The following NOS3 variants were observed in gnomAD, a reference collection of about 807,000 sequenced individuals.
NOS3 encodes nitric oxide synthase 3.
In NOS3, 98 loss-of-function variants were observed where a neutral mutation model predicts 144.9. The ratio of observed to expected loss-of-function variants is 0.68; its 90% confidence interval spans 0.57 to 0.80. The LOEUF (loss-of-function observed/expected upper bound fraction) is 0.80, where lower values mean the gene tolerates loss of function less well. Ranked by LOEUF, NOS3 falls within the 30% of genes least tolerant of loss-of-function variation. NOS3 has a pLI of 0.00. For missense variants in NOS3, 1,465 were observed against 1,656.4 expected, an observed-to-expected ratio of 0.88 and a Z score of 2.01; for synonymous variants, 714 against 702.4, an observed-to-expected ratio of 1.02 and a Z score of -0.26.
At chr7:151,011,635 C>T (rs753913168) in intron 23 of NOS3, among the ~76,000 whole-genome samples, 1 of 151,384 alleles carries the variant, frequency 6.6e-6, no homozygotes, top group Non-Finnish European at 1.5e-5. Flanking sequence ...AAAATATTCT[C>T]CTGTCTCAGC....
chr7:151,002,383 A>AACACACACAC lies in NOS3; in HGVS notation c.1752+140_1752+149dup, dbSNP rs3138808. 1.5e-3 allele frequency: 395 copies of AACACACACAC among 271,080 alleles called. 19 individuals carry two copies. The highest frequency in any genetic ancestry group is 2.7e-3 in the African/African-American group (66 of 24,520). 16.8% of individuals were successfully genotyped at this position (271,080 alleles called of 1,614,324 possible). A position where few individuals can be genotyped will look rare whatever the true frequency, so the allele number is the denominator to read the frequency against. On this transcript the variant is annotated intron_variant, in intron 14 of 26. Coordinates refer to ENST00000297494, the MANE Select transcript of NOS3 (RefSeq NM_000603.5). This position sits in a 1 kb window ranked among gnomAD's most constrained non-coding sequence, Gnocchi z 4.1. ...AGTGACTGGGCAGGAACCTCTGCCC[A>AACACACACAC]ACACACACACACACACACACACACA...
Position 151,010,700 on chromosome 7 carries a change from C to A in NOS3, c.2789C>A (p.Thr930Asn), listed in dbSNP as rs747661055. The change falls in exon 22 of 27, where the codon ACC becomes AAC. Residue 930 changes from threonine to asparagine, a missense_variant. Around this residue, in one of 5 missense-constraint regions of NOS3, gnomAD observed 106 missense variants for 167.7 expected, o/e 0.63. Coordinates refer to ENST00000297494, the MANE Select transcript of NOS3 (RefSeq NM_000603.5). ...SVALPAPLLL[T>N]QLPLLQPRYY... ...GCGCTGCCTGCCCCACTGCTCCTCACCCAGCTGCCTCTGCTCCAGCCCCGG... is the reference window on the plus strand; with the variant it reads ...GCGCTGCCTGCCCCACTGCTCCTCAACCAGCTGCCTCTGCTCCAGCCCCGG... 6.2e-7 allele frequency: 1 copy of A among 1,611,816 alleles called. No individual in the cohort carries two copies. Among genetic ancestry groups the A allele is most frequent in the South Asian group, 1.1e-5 (1 of 90,580 alleles).
At position 151,003,179 on chromosome 7, in the gene NOS3, G is replaced by A. The variant is rs750704995; in HGVS notation, c.1752+875G>A. 2.6e-5 allele frequency: 12 copies of A among 453,406 alleles called. No individual in the cohort carries two copies. Among genetic ancestry groups the A allele is most frequent in the Non-Finnish European group, 4.4e-6 (1 of 226,662 alleles). 28.1% of individuals were successfully genotyped at this position (453,406 alleles called of 1,614,324 possible). A position where few individuals can be genotyped will look rare whatever the true frequency, so the allele number is the denominator to read the frequency against. ...CTCACTTTGTGGCCCAGGCTGGAGT[G>A]CAGTAGTACAATCACGGCTCACTGC... On this transcript the variant is annotated intron_variant, in intron 14 of 26. Coordinates refer to ENST00000297494, the MANE Select transcript of NOS3 (RefSeq NM_000603.5). The surrounding 1 kb of genome is among the most constrained non-coding windows in gnomAD (Gnocchi z 4.1).
At chr7:150,995,540 TCC>T (rs1802360152) in intron 3 of NOS3, among the ~76,000 whole-genome samples, 1 of 34,012 alleles carries the variant, frequency 2.9e-5, no homozygotes, top group African/African-American at 1.2e-4. Context: ...CTCTCCCCCA[TCC>T]CACCCCTGCA....
At chr7:150,997,004 C>T (rs758929663) in intron 5 of NOS3, 79 bp downstream of exon 5, 25 of 1,461,024 alleles carry the variant, frequency 1.7e-5, no homozygotes, top group Admixed American at 1.7e-4. Context: ...TAAGGCTTCC[C>T]GGGGGCTGGG....
chr7:151,001,767 G>C, intron 12 of NOS3, 54 bp from the exon 13 acceptor site: 5 of 1,609,734 alleles, frequency 3.1e-6, no homozygotes, highest in Non-Finnish European at 3.4e-6. Flanking sequence ...CCCTTGCCTG[G>C]GGAGGCCCTG....
chr7:151,008,690 C>T (rs1005862684), intron 17 of NOS3, among the ~76,000 whole-genome samples: 2 of 152,170 alleles, frequency 1.3e-5, no homozygotes, highest in African/African-American at 4.8e-5. Context: ...GGGATTAACA[C>T]GCACCAGATA....
chr7:151,011,161 C>G (rs940169816), intron 23 of NOS3, among the ~76,000 whole-genome samples, 175 bp downstream of exon 23: 1 of 152,120 alleles, frequency 6.6e-6, no homozygotes, highest in Non-Finnish European at 1.5e-5. Context: ...CTCTCTCATT[C>G]ATTTAGACTC....
At chr7:150,992,708 G>A (rs1438421120) in intron 1 of NOS3, among the ~76,000 whole-genome samples, 7 of 150,742 alleles carry the variant, frequency 4.6e-5, no homozygotes, top group African/African-American at 1.2e-4. Flanking sequence ...CTGTCTGTCT[G>A]CTGCTCCTAG....
chr7:151,011,223 G>A (rs911922604), intron 23 of NOS3, among the ~76,000 whole-genome samples: 30 of 152,030 alleles, frequency 2.0e-4, no homozygotes, highest in African/African-American at 6.3e-4. Context: ...GGATCAAACC[G>A]GCTGGCCCTG....
In NOS3 at chr7:150,993,267, T is replaced by C. The variant is rs1453568305; in HGVS notation, c.-51-486T>C. On this transcript the variant is annotated intron_variant, in intron 1 of 26. Coordinates refer to ENST00000297494, the MANE Select transcript of NOS3 (RefSeq NM_000603.5). The surrounding 1 kb of genome is among the most constrained non-coding windows in gnomAD (Gnocchi z 4.0). ...GGACTCAAGGGTGGGGATCCAGGAG[T>C]TCTTGTATGTATGGGGGGAGGTGAA... Among the ~76,000 whole-genome samples, 1 of 151,500 alleles carries C rather than the reference T, an allele frequency of 6.6e-6. No homozygotes were observed. Among genetic ancestry groups the C allele is most frequent in the Non-Finnish European group, 1.5e-5 (1 of 67,830 alleles).
Position 151,009,030 on chromosome 7 carries a change from G to C in NOS3, c.2213G>C (p.Ser738Thr), listed in dbSNP as rs141288865. The C allele has an allele frequency of 2.0e-5, 33 of 1,612,608 alleles. 1 individual carries two copies. In the Admixed American group the frequency reaches 3.8e-4, roughly 19 times the overall value. ...RSWKRQRYRL[S>T]AQAEGLQLLP... ...TGGAAGCGCCAGAGGTACCGGCTGA[G>C]CGCCCAGGCCGAGGGCCTGCAGTTG... is the stretch of plus-strand genomic sequence containing the variant. Residue 738 changes from serine (S) to threonine (T), a missense_variant, in exon 18 of 27, where the codon AGC (serine) becomes ACC (threonine). By Grantham distance (58) the Ser-to-Thr change is moderately conservative. Around this residue, in one of 5 missense-constraint regions of NOS3, gnomAD observed 745 missense variants for 853.9 expected, o/e 0.87. Coordinates refer to ENST00000297494, the MANE Select transcript of NOS3 (RefSeq NM_000603.5).
chr7:150,992,793 C>T (rs967875260), intron 1 of NOS3, among the ~76,000 whole-genome samples: 4 of 152,228 alleles, frequency 2.6e-5, no homozygotes, highest in African/African-American at 9.6e-5. Context: ...CTCGAAATCA[C>T]GAGGCTTCGA....
intron 3 of NOS3, among the ~76,000 whole-genome samples, chr7:150,995,536 C>T (rs1032621089): frequency 6.8e-6 from 1 of 147,892 alleles, no homozygotes; most frequent in African/African-American, 2.5e-5. Context: ...CAAACTCTCC[C>T]CCATCCCACC....
Position 151,010,137 on chromosome 7 carries a change from G to A in NOS3, c.2535G>A (p.Val845=). The A allele has an allele frequency of 6.2e-7, 1 of 1,607,042 alleles. No individual in the cohort carries two copies. Among genetic ancestry groups the A allele is most frequent in the South Asian group, 1.1e-5 (1 of 90,432 alleles). ...GSPGGPPPGW[V]RDPRLPPCTL... ...CAGGTGGCCCTCCCCCCGGCTGGGT[G>A]CGGGACCCCCGGCTGCCCCCGTGCA... The change falls in exon 21 of 27, where the codon GTG becomes GTA. Residue 845 remains valine (V), a synonymous_variant. Transcript: ENST00000297494.
intron 1 of NOS3, among the ~76,000 whole-genome samples, chr7:150,992,688 G>A (rs1454965694): frequency 6.8e-6 from 1 of 147,982 alleles, no homozygotes; most frequent in African/African-American, 2.5e-5. Context: ...AAATCCTCTT[G>A]TTTGTTTGTC....
chr7:151,013,085 A>G, intron 24 of NOS3, 146 bp from the exon 25 acceptor site: 2 of 855,886 alleles, frequency 2.3e-6, no homozygotes, highest in Admixed American at 2.4e-5. Context: ...AGCATTCTAC[A>G]CTCTCTTAGA....
intron 20 of NOS3, 140 bp from the exon 21 acceptor site, chr7:151,009,975 A>G (rs1795269167): frequency 1.6e-6 from 1 of 612,380 alleles, no homozygotes; most frequent in Non-Finnish European, 2.9e-6. Flanking sequence ...GCCCCCGAAC[A>G]ATACACTGAG....
rs749844059 is a variant in NOS3, at chr7:151,009,080, C to A, written c.2245+18C>A. The A allele has an allele frequency of 6.8e-6, 11 of 1,612,866 alleles. No individual in the cohort carries two copies. The Admixed American group carries it at 1.7e-4, about 25-fold the overall frequency. ...GCTGCCAGGTGGGCCCTGCCCTCAC[C>A]CTAACCCGGCTGGTTCTCTGAGGCC... is the stretch of plus-strand genomic sequence containing the variant. On this transcript the variant is annotated intron_variant, in intron 18 of 26. Coordinates refer to ENST00000297494, the MANE Select transcript of NOS3 (RefSeq NM_000603.5).
Sources: gnomAD v4.1 joint callset for allele counts (sites outside exome capture counted in the v4.1 genomes callset) on GRCh38, gnomAD v4.1.1 for gene constraint, gnomAD v4.1.1 regional missense constraint, Gnocchi (gnomAD v3.1) non-coding constraint, MANE v1.5 for transcripts, NCBI Gene and HGNC (gene_info 2026-07-23, HGNC 2026-07-21) for gene names.